Variants in WDR36 observed in about 807,000 individuals in gnomAD.
The protein encoded by WDR36 is WD repeat domain 36, also known as WD repeat-containing protein 36.
WDR36 carries 63 observed loss-of-function variants against 112.7 expected under a neutral mutation model. The observed-to-expected ratio is 0.56, with a 90% CI of 0.46 to 0.69. The LOEUF (loss-of-function observed/expected upper bound fraction) is 0.69, where lower values mean the gene tolerates loss of function less well. Ranked by LOEUF, WDR36 falls within the 30% of genes least tolerant of loss-of-function variation. The pLI is 0.00. For synonymous variants in WDR36, 410 were observed against 362.2 expected, an observed-to-expected ratio of 1.13 and a Z score of -1.50; for missense variants, 1,226 against 1,070.3, an observed-to-expected ratio of 1.15 and a Z score of -2.03.
Position 111,126,079 on chromosome 5 carries a change from T to G in WDR36, c.2538+284T>G, listed in dbSNP as rs144832472. 2.4e-4 allele frequency among the ~76,000 whole-genome samples: 37 copies of G among 152,306 alleles called. 1 individual carries two copies. The East Asian group carries it at 6.9e-3, about 29-fold the overall frequency. ...GTGCAGCTTGGGAGTCTTGTTTTGT[T>G]TTTTTACTCAACTGCACAATAATTT... On this transcript the variant is annotated intron_variant, in intron 22 of 22. Coordinates refer to ENST00000513710, the MANE Select transcript of WDR36 (RefSeq NM_139281.3).
At chr5:111,120,433 A>T in intron 17 of WDR36, 63 bp from the exon 18 acceptor site, 1 of 1,246,676 alleles carries the variant, frequency 8.0e-7, no homozygotes, top group Admixed American at 1.7e-5. Context: ...AAGATTGTAG[A>T]GTGTTTCTCT....
At chr5:111,121,275 A>G (rs1580403941) in intron 19 of WDR36, 134 bp downstream of exon 19, 2 of 882,098 alleles carry the variant, frequency 2.3e-6, no homozygotes, top group Non-Finnish European at 3.6e-6. Context: ...TGACAATGCT[A>G]TTTAATCAAA....
intron 16 of WDR36, among the ~76,000 whole-genome samples, chr5:111,115,237 G>A (rs946718046): frequency 6.6e-6 from 1 of 152,128 alleles, no homozygotes; most frequent in Non-Finnish European, 1.5e-5. Context: ...AAAAAGTTTT[G>A]GTTAAAATTT....
intron 12 of WDR36, among the ~76,000 whole-genome samples, chr5:111,109,232 A>T (rs1753277478): frequency 6.6e-6 from 1 of 151,368 alleles, no homozygotes; most frequent in South Asian, 2.1e-4. Flanking sequence ...CATAGCATAA[A>T]CATTTATGAA....
chr5:111,126,816 C>A lies in WDR36; in HGVS notation c.2621C>A (p.Thr874Asn). 1 of 1,613,602 alleles carries A rather than the reference C, an allele frequency of 6.2e-7. No homozygotes were observed. Among genetic ancestry groups the A allele is most frequent in the Non-Finnish European group, 8.5e-7 (1 of 1,179,740 alleles). ...NLSSQVEENW[T>N]HLQSLFNQSM... is the part of the protein sequence containing the mutation. ...TCATCCCAGGTGGAAGAAAACTGGA[C>A]CCATTTGCAATCACTCTTCAATCAA... is the stretch of plus-strand genomic sequence containing the variant. The change falls in exon 23 of 23, where the codon ACC becomes AAC. Residue 874 changes from threonine (T) to asparagine (N), a missense_variant. Transcript: ENST00000513710.
At chr5:111,107,515 C>A (rs1473329087) in intron 12 of WDR36, 76 bp downstream of exon 12, 21 of 1,561,842 alleles carry the variant, frequency 1.3e-5, no homozygotes, top group Non-Finnish European at 1.8e-5. Flanking sequence ...CAAGGTTTCT[C>A]ATCATAATAT....
chr5:111,113,018 T>C (rs1753372451), intron 15 of WDR36, 56 bp from the exon 16 acceptor site: 1 of 367,138 alleles, frequency 2.7e-6, no homozygotes, highest in Non-Finnish European at 4.1e-6. Flanking sequence ...TATATTCATA[T>C]ATATTTATAT....
intron 16 of WDR36, among the ~76,000 whole-genome samples, chr5:111,114,701 T>C (rs558061931): frequency 1.5e-4 from 23 of 152,332 alleles, no homozygotes; most frequent in Admixed American, 9.2e-4. Context: ...AAAAAAACAT[T>C]TTGTTAAAGA....
intron 2 of WDR36, among the ~76,000 whole-genome samples, chr5:111,096,552 A>C (rs1752987321): frequency 2.0e-5 from 3 of 152,066 alleles, no homozygotes; most frequent in Admixed American, 2.0e-4. Flanking sequence ...AAAAATACAA[A>C]AATTAGCCGG....
At chr5:111,103,342 C>T (rs992177996) in intron 6 of WDR36, among the ~76,000 whole-genome samples, 2 of 151,688 alleles carry the variant, frequency 1.3e-5, no homozygotes, top group African/African-American at 4.8e-5. Context: ...GTAGGTTTTT[C>T]CTACTTTCTT....
chr5:111,100,498 G>A, intron 4 of WDR36, 91 bp from the exon 5 acceptor site: 1 of 844,428 alleles, frequency 1.2e-6, no homozygotes, highest in Non-Finnish European at 1.8e-6. Flanking sequence ...AATCTTTGAT[G>A]TGATAGACTT....
chr5:111,125,175 T>G (rs537183408), intron 21 of WDR36, among the ~76,000 whole-genome samples: 1 of 152,326 alleles, frequency 6.6e-6, no homozygotes, highest in Non-Finnish European at 1.5e-5. Flanking sequence ...TATGTACTTT[T>G]ATAACTTTAT....
At chr5:111,093,421 T>C (rs1048727801) in intron 1 of WDR36, among the ~76,000 whole-genome samples, 4 of 152,152 alleles carry the variant, frequency 2.6e-5, no homozygotes, top group Non-Finnish European at 5.9e-5. Flanking sequence ...TCTTGGAGGA[T>C]TGTGAATATC....
At chr5:111,099,695 C>T (rs184362619) in intron 4 of WDR36, among the ~76,000 whole-genome samples, 1 of 151,964 alleles carries the variant, frequency 6.6e-6, no homozygotes, top group Non-Finnish European at 1.5e-5. Flanking sequence ...CCAGTATATT[C>T]AGGGAGCCAT....
chr5:111,121,987 T>G lies in WDR36; in HGVS notation c.2148+846T>G, dbSNP rs562263567. 2.0e-5 allele frequency among the ~76,000 whole-genome samples: 3 copies of G among 152,334 alleles called. No individual in the cohort carries two copies. In the East Asian group the frequency reaches 5.8e-4, roughly 29 times the overall value. On this transcript the variant is annotated intron_variant, in intron 19 of 22. Coordinates refer to ENST00000513710, the MANE Select transcript of WDR36 (RefSeq NM_139281.3). ...TGACTAAGTAACTAATAATTATCCT[T>G]GTAACTAATAACACAAGAAAAGAAG... is the stretch of plus-strand genomic sequence containing the variant.
At chr5:111,103,381 A>AT (rs1222907919) in intron 6 of WDR36, among the ~76,000 whole-genome samples, 1 of 151,612 alleles carries the variant, frequency 6.6e-6, no homozygotes, top group Non-Finnish European at 1.5e-5. Flanking sequence ...TTCCTTTGTA[A>AT]TTGGTTACAT....
chr5:111,096,208 G>A (rs950004048), intron 2 of WDR36, among the ~76,000 whole-genome samples: 14 of 152,170 alleles, frequency 9.2e-5, no homozygotes, highest in African/African-American at 2.7e-4. Flanking sequence ...CATATGTCAC[G>A]TGAGAAATGC....
At chr5:111,115,593 C>T (rs1753439583) in intron 16 of WDR36, among the ~76,000 whole-genome samples, 1 of 151,794 alleles carries the variant, frequency 6.6e-6, no homozygotes, top group South Asian at 2.1e-4. Flanking sequence ...AAAAAAAAAA[C>T]ATAATTAGTA....
Position 111,105,248 on chromosome 5 carries a change from C to G in WDR36, c.1028-47C>G, listed in dbSNP as rs112347053. The G allele has an allele frequency of 4.2e-5, 65 of 1,563,160 alleles. No homozygotes were observed. In the African/African-American group the frequency reaches 4.6e-4, roughly 11 times the overall value. Reference sequence around the variant, plus strand: ...ATAAAATTTGTGATTCACATAGTCCCTTGTTTTAATGAAGCTTGATTAGGG... The same window carrying G: ...ATAAAATTTGTGATTCACATAGTCCGTTGTTTTAATGAAGCTTGATTAGGG... On this transcript the variant is annotated intron_variant, in intron 9 of 22. Coordinates refer to ENST00000513710, the MANE Select transcript of WDR36 (RefSeq NM_139281.3).
Sources: gnomAD v4.1 joint callset for allele counts (sites outside exome capture counted in the v4.1 genomes callset) on GRCh38, gnomAD v4.1.1 for gene constraint, MANE v1.5 for transcripts, NCBI Gene and HGNC (gene_info 2026-07-23, HGNC 2026-07-21) for gene names.